Variants in EFR3A observed in about 807,000 individuals in gnomAD.
EFR3A encodes EFR3 homolog A, also known as protein EFR3 homolog A.
In EFR3A, 76 loss-of-function variants were observed where a neutral mutation model predicts 104.4. The observed-to-expected ratio is 0.73, with a 90% confidence interval of 0.60 to 0.88. EFR3A has a LOEUF of 0.88. EFR3A is among the 40% of genes least tolerant of loss of function. The probability of loss-of-function intolerance (pLI) is 0.00; values close to 1 mark genes in which losing one functional copy is unlikely to be tolerated. For synonymous variants in EFR3A, 330 were observed against 330.0 expected, an observed-to-expected ratio of 1.00 and a Z score of 0.00; for missense variants, 985 against 1,012.5, an observed-to-expected ratio of 0.97 and a Z score of 0.37.
At chr8:131,976,216 C>A (rs1455333924) in intron 11 of EFR3A, 75 bp downstream of exon 11, 3 of 999,300 alleles carry the variant, frequency 3.0e-6, no homozygotes, top group South Asian at 1.6e-5. Flanking sequence ...AAAATGTTAA[C>A]GTTTTGTTTT....
At chr8:131,994,794 G>A (rs1343853967) in intron 18 of EFR3A, among the ~76,000 whole-genome samples, 1 of 152,154 alleles carries the variant, frequency 6.6e-6, no homozygotes, top group Admixed American at 6.5e-5. Flanking sequence ...AACTGGAAAT[G>A]TTGAACTCAG....
chr8:131,939,083 C>A (rs928559023), intron 1 of EFR3A, among the ~76,000 whole-genome samples: 1 of 152,110 alleles, frequency 6.6e-6, no homozygotes, highest in Non-Finnish European at 1.5e-5. Context: ...TGATCATCAT[C>A]TGCTTACCCT....
chr8:131,954,257 G>T (rs1818862428), intron 6 of EFR3A, among the ~76,000 whole-genome samples: 1 of 151,914 alleles, frequency 6.6e-6, no homozygotes, highest in African/African-American at 2.4e-5. Flanking sequence ...TGTTTTAATG[G>T]ATACTACTTA....
At chr8:131,949,364 G>A (rs1818589565) in intron 4 of EFR3A, among the ~76,000 whole-genome samples, 1 of 152,106 alleles carries the variant, frequency 6.6e-6, no homozygotes, top group Non-Finnish European at 1.5e-5. Context: ...TATATAATAG[G>A]AGGATTCAAT....
chr8:131,936,915 C>T (rs114800126), intron 1 of EFR3A, among the ~76,000 whole-genome samples: 2,097 of 152,052 alleles, frequency 0.014, 47 homozygotes, highest in African/African-American at 0.048. Context: ...ACTATAAAGG[C>T]GCGATTGATT....
chr8:131,946,398 C>T, intron 3 of EFR3A, 85 bp from the exon 4 acceptor site: 1 of 1,288,192 alleles, frequency 7.8e-7, no homozygotes, highest in Non-Finnish European at 1.0e-6. Flanking sequence ...TTTCAATAGA[C>T]TTATTTCAGT....
intron 1 of EFR3A, among the ~76,000 whole-genome samples, chr8:131,934,271 G>T (rs1817762895): frequency 6.6e-6 from 1 of 152,042 alleles, no homozygotes. Flanking sequence ...TGCTTGCGTT[G>T]TTCCATTTGA....
At chr8:131,924,853 T>C (rs146875874) in intron 1 of EFR3A, among the ~76,000 whole-genome samples, 14 of 152,246 alleles carry the variant, frequency 9.2e-5, no homozygotes, top group African/African-American at 1.9e-4. Flanking sequence ...ATTTTTCTCA[T>C]TTCTCTTATA....
At chr8:131,990,752 C>G (rs1431596850) in intron 18 of EFR3A, among the ~76,000 whole-genome samples, 1 of 151,954 alleles carries the variant, frequency 6.6e-6, no homozygotes, top group Non-Finnish European at 1.5e-5. Context: ...AATAAAGAGG[C>G]ATCAGTGAGG....
intron 5 of EFR3A, among the ~76,000 whole-genome samples, chr8:131,950,831 C>T (rs1414687841): frequency 1.3e-5 from 2 of 152,072 alleles, no homozygotes; most frequent in African/African-American, 4.8e-5. Context: ...CATTTTTAAA[C>T]ATTTCTTCTG....
rs780620717 is a variant in EFR3A, at chr8:131,976,060, G to A, written c.1193G>A (p.Arg398Lys). The A allele has an allele frequency of 1.2e-6, 2 of 1,606,456 alleles. No individual in the cohort carries two copies. The highest frequency in any genetic ancestry group is 2.2e-5 in the East Asian group (1 of 44,672). Reference protein sequence around the residue: ...FFGSNLPDYQRSEIMMFIMGK... With the variant: ...FFGSNLPDYQKSEIMMFIMGK... ...GGAAGTAACCTACCAGATTATCAGA[G>A]GTCAGAAATCATGATGTTCATTATG... Residue 398 changes from arginine to lysine, a missense_variant, in exon 11 of 23, where the codon AGG becomes AAG. Physicochemically the swap from Arg to Lys is conservative, Grantham distance 26. Coordinates refer to ENST00000254624, the MANE Select transcript of EFR3A (RefSeq NM_015137.6).
intron 11 of EFR3A, 33 bp downstream of exon 11, chr8:131,976,174 C>A: frequency 7.6e-7 from 1 of 1,324,428 alleles, no homozygotes; most frequent in Non-Finnish European, 1.1e-6. Context: ...TGAACTTAAT[C>A]TTGAGTTACA....
Position 131,956,161 on chromosome 8 carries a change from G to C in EFR3A, c.776+256G>C, listed in dbSNP as rs116853797. 6.7e-3 allele frequency among the ~76,000 whole-genome samples: 1,014 copies of C among 152,238 alleles called. 5 individuals carry two copies. The highest frequency in any genetic ancestry group is 0.011 in the Non-Finnish European group (752 of 67,996). On this transcript the variant is annotated intron_variant, in intron 7 of 22. Transcript: ENST00000254624. The stretch of plus-strand genomic sequence containing the variant: ...ATCATGTGCATTAACTTGAATATCT[G>C]CTTACAGACCTTGAAATGCCTATGT...
chr8:131,935,677 A>G (rs1030478456), intron 1 of EFR3A, among the ~76,000 whole-genome samples: 1 of 152,152 alleles, frequency 6.6e-6, no homozygotes, highest in Non-Finnish European at 1.5e-5. Flanking sequence ...TAATATGAAT[A>G]CAATCTAAAC....
At position 132,002,462 on chromosome 8, in the gene EFR3A, G is replaced by A. The variant is rs944952761; in HGVS notation, c.2207-141G>A. On this transcript the variant is annotated intron_variant, in intron 20 of 22. Transcript: ENST00000254624. ...TAAACAAGACATTTCATGGATGTTA[G>A]GCCTTTTTATTTTTTTCTTATAGAA... 1.1e-4 allele frequency: 70 copies of A among 621,306 alleles called. No homozygotes were observed. In the East Asian group the frequency reaches 2.0e-3, roughly 18 times the overall value. 38.5% of individuals were successfully genotyped at this position (621,306 alleles called of 1,614,324 possible). A position where few individuals can be genotyped will look rare whatever the true frequency, so the allele number is the denominator to read the frequency against.
intron 1 of EFR3A, among the ~76,000 whole-genome samples, chr8:131,937,757 T>C (rs540078321): frequency 3.3e-5 from 5 of 151,720 alleles, no homozygotes; most frequent in Admixed American, 1.3e-4. Context: ...TTGGAGACTT[T>C]CTGTGATATG....
chr8:131,922,530 T>C (rs1817094947), intron 1 of EFR3A, among the ~76,000 whole-genome samples: 1 of 152,190 alleles, frequency 6.6e-6, no homozygotes, highest in Non-Finnish European at 1.5e-5. Flanking sequence ...TAATTCAACC[T>C]TTACTGGGGT....
chr8:131,991,074 G>C, intron 18 of EFR3A, among the ~76,000 whole-genome samples: 1 of 152,154 alleles, frequency 6.6e-6, no homozygotes, highest in Non-Finnish European at 1.5e-5. Context: ...TAGACTTACA[G>C]TTCCACGTGG....
At chr8:131,950,351 TC>T (rs1364105804) in intron 5 of EFR3A, among the ~76,000 whole-genome samples, 2 of 152,154 alleles carry the variant, frequency 1.3e-5, no homozygotes, top group Non-Finnish European at 2.9e-5. Flanking sequence ...TATCATTTCT[TC>T]CTACCTTCAC....
Sources: allele counts gnomAD v4.1 joint callset (sites outside exome capture counted in the v4.1 genomes callset), GRCh38; gene constraint gnomAD v4.1.1; transcripts MANE v1.5; gene names NCBI Gene and HGNC (gene_info 2026-07-23, HGNC 2026-07-21).